TF: variants seen among roughly 807,000 people sequenced by gnomAD.
TF encodes the protein serotransferrin.
A neutral mutation model predicts 82.4 loss-of-function variants in TF; 55 were observed. The observed-to-expected ratio is 0.67, with a 90% CI of 0.54 to 0.84. TF has a LOEUF of 0.84. Ranked by LOEUF, TF falls within the 40% of genes least tolerant of loss-of-function variation. TF has a pLI of 0.00. For synonymous variants in TF, 332 were observed against 332.6 expected, an observed-to-expected ratio of 1.00 and a Z score of 0.02; for missense variants, 737 against 868.4, an observed-to-expected ratio of 0.85 and a Z score of 1.90.
the TF span, among the ~76,000 whole-genome samples, chr3:133,663,636 G>C: frequency 1.3e-5 from 2 of 152,186 alleles, no homozygotes; most frequent in East Asian, 3.9e-4. Flanking sequence ...TAATAGATGG[G>C]TATCATTGTC....
At chr3:133,739,498 C>A in the TF span, among the ~76,000 whole-genome samples, 4 of 151,924 alleles carry the variant, frequency 2.6e-5, no homozygotes, top group Admixed American at 6.6e-5. Context: ...TTCTGCACAG[C>A]AAAAGAAGCT....
At chr3:133,689,610 G>T in the TF span, among the ~76,000 whole-genome samples, 1 of 152,168 alleles carries the variant, frequency 6.6e-6, no homozygotes, top group East Asian at 1.9e-4. Context: ...TAGCAGGGGA[G>T]TGGCTGAGTC....
At chr3:133,729,806 TC>T in the TF span, among the ~76,000 whole-genome samples, 3 of 152,166 alleles carry the variant, frequency 2.0e-5, no homozygotes, top group Admixed American at 6.5e-5. Context: ...TCTTGGCTCC[TC>T]CCCCCCGTTT....
Position 133,759,288 on chromosome 3 carries a change from G to A in TF, c.1162G>A (p.Val388Ile). ...SVNSVGKIECVSAETTEDCIA... is the reference protein window; with the variant it reads ...SVNSVGKIECISAETTEDCIA... ...TAACAGTGTAGGGAAAATAGAGTGT[G>A]TATCAGCAGAGACCACCGAAGACTG... Residue 388 changes from valine (V) to isoleucine (I), a missense_variant, in exon 9 of 17, where the codon GTA (valine) becomes ATA (isoleucine). Physicochemically the swap from Val to Ile is conservative, Grantham distance 29. Coordinates refer to ENST00000402696, the MANE Select transcript of TF (RefSeq NM_001063.4). 1.2e-6 allele frequency: 2 copies of A among 1,613,746 alleles called. No homozygotes were observed. The highest frequency in any genetic ancestry group is 1.3e-5 in the African/African-American group (1 of 74,944).
chr3:133,707,190 T>TCACACA, the TF span, among the ~76,000 whole-genome samples: 24,883 of 144,456 alleles, frequency 0.17, 2,174 homozygotes, highest in Non-Finnish European at 0.19. Context: ...AACCTCAGAG[T>TCACACA]CACACACACA....
chr3:133,676,832 C>T, the TF span, among the ~76,000 whole-genome samples: 3 of 152,192 alleles, frequency 2.0e-5, no homozygotes, highest in African/African-American at 7.2e-5. Flanking sequence ...CAGGCTCTGA[C>T]CAAAAGTTCA....
the TF span, among the ~76,000 whole-genome samples, chr3:133,686,687 A>T: frequency 1.3e-5 from 2 of 152,252 alleles, no homozygotes; most frequent in African/African-American, 4.8e-5. Context: ...ATCATTAAAA[A>T]GTCAGGAAAC....
chr3:133,754,050 G>GTACCACTCACACAT (rs1933754166), intron 3 of TF: 1 of 460,274 alleles, frequency 2.2e-6, no homozygotes, highest in East Asian at 4.5e-5. Context: ...ACTCACACAG[G>GTACCACTCACACAT]AGGGGTCACT....
intron 1 of TF, among the ~76,000 whole-genome samples, chr3:133,747,768 TACAG>T (rs1933544369): frequency 6.6e-6 from 1 of 152,152 alleles, no homozygotes; most frequent in African/African-American, 2.4e-5. Context: ...AGACAAGAGT[TACAG>T]ACAAATTAAT....
At position 133,789,173 on chromosome 3, in the gene TF, A is replaced by G. The variant is rs1193723033; in HGVS notation, c.*10553A>G. 1 of 152,232 alleles carries G rather than the reference A, an allele frequency of 6.6e-6. No individual in the cohort carries two copies. Among genetic ancestry groups the G allele is most frequent in the Non-Finnish European group, 1.5e-5 (1 of 68,070 alleles). 9.4% of individuals were successfully genotyped at this position (152,232 alleles called of 1,614,324 possible). A position where few individuals can be genotyped will look rare whatever the true frequency, so the allele number is the denominator to read the frequency against. Reference sequence around the variant, plus strand: ...GATGCCCTTGGCAGCAGTTCTAAGGACTAGTACTAAGCCCTCCTTAGAATT... The same window carrying G: ...GATGCCCTTGGCAGCAGTTCTAAGGGCTAGTACTAAGCCCTCCTTAGAATT... On this transcript the variant is annotated 3_prime_UTR_variant, in exon 17 of 17. Coordinates refer to ENST00000402696, the MANE Select transcript of TF (RefSeq NM_001063.4).
the TF span, among the ~76,000 whole-genome samples, chr3:133,673,495 G>A: frequency 6.6e-6 from 1 of 152,240 alleles, no homozygotes; most frequent in South Asian, 2.1e-4. Flanking sequence ...AAAATGTGCT[G>A]CATACACAGT....
intron 14 of TF, 122 bp from the exon 15 acceptor site, chr3:133,775,311 G>A (rs895341232): frequency 1.7e-5 from 16 of 958,108 alleles, no homozygotes; most frequent in Non-Finnish European, 2.4e-5. Context: ...TGTAACCCCA[G>A]TGTGGGCACT....
chr3:133,773,483 ATTTGTG>A (rs1243338635), intron 14 of TF: 1 of 92,908 alleles, frequency 1.1e-5, no homozygotes. Flanking sequence ...TTTTATCACA[ATTTGTG>A]TGTGTGTGTG....
chr3:133,676,666 C>T, the TF span, among the ~76,000 whole-genome samples: 1 of 152,244 alleles, frequency 6.6e-6, no homozygotes, highest in East Asian at 1.9e-4. Flanking sequence ...ACACAGGGAG[C>T]TCTGCTGGGG....
Position 133,764,290 on chromosome 3 carries a change from G to T in TF, c.1297+15G>T, listed in dbSNP as rs1934070231. On this transcript the variant is annotated intron_variant, in intron 10 of 16. Transcript: ENST00000402696. The stretch of plus-strand genomic sequence containing the variant: ...AAACTACAATAGTAAGTGGTGGGGA[G>T]CACCTCTCTGTGTTTTCTTCCCTCA... 1 of 1,599,822 alleles carries T rather than the reference G, an allele frequency of 6.3e-7. No individual in the cohort carries two copies. Among genetic ancestry groups the T allele is most frequent in the South Asian group, 1.1e-5 (1 of 90,772 alleles).
the TF span, among the ~76,000 whole-genome samples, chr3:133,696,770 T>C: frequency 2.0e-5 from 3 of 149,974 alleles, no homozygotes; most frequent in East Asian, 3.9e-4. Flanking sequence ...ATTATTGCCA[T>C]GGACAAAAGT....
intron 11 of TF, among the ~76,000 whole-genome samples, chr3:133,765,888 T>C (rs1295431454): frequency 6.6e-6 from 1 of 152,250 alleles, no homozygotes; most frequent in Non-Finnish European, 1.5e-5. Flanking sequence ...TTTTGCTTAT[T>C]GATCTTTTAC....
At chr3:133,735,230 A>C in the TF span, among the ~76,000 whole-genome samples, 3 of 151,742 alleles carry the variant, frequency 2.0e-5, no homozygotes, top group African/African-American at 4.8e-5. Flanking sequence ...AATCCCAGTG[A>C]CTCGGGAGGC....
the TF span, among the ~76,000 whole-genome samples, chr3:133,678,423 G>C: frequency 3.9e-5 from 6 of 152,218 alleles, no homozygotes; most frequent in African/African-American, 1.4e-4. Context: ...CTAGAACCTT[G>C]AGGAATCACC....
Sources: gnomAD v4.1 joint callset for allele counts (sites outside exome capture counted in the v4.1 genomes callset) on GRCh38, gnomAD v4.1.1 for gene constraint, MANE v1.5 for transcripts, NCBI Gene and HGNC (gene_info 2026-07-23, HGNC 2026-07-21) for gene names.